Variants in COBL observed in about 807,000 individuals in gnomAD.
The protein encoded by COBL is protein cordon-bleu.
In COBL, 51 loss-of-function variants were observed where a neutral mutation model predicts 98.8. The ratio of observed to expected loss-of-function variants is 0.52; its 90% CI spans 0.41 to 0.65. The LOEUF is 0.65. Ranked by LOEUF, COBL falls within the 30% of genes least tolerant of loss-of-function variation. The pLI, the probability that COBL is intolerant of heterozygous loss-of-function variation, is 0.00. For missense variants in COBL, 1,617 were observed against 1,617.5 expected (o/e 1.00, Z 0.01); for synonymous variants, 634 against 651.7 (o/e 0.97, Z 0.41).
intron 5 of COBL, among the ~76,000 whole-genome samples, chr7:51,157,885 TTTTA>T (rs1427991884): frequency 5.9e-5 from 9 of 152,244 alleles, no homozygotes; most frequent in African/African-American, 1.7e-4. Context: ...GATATATAAT[TTTTA>T]TTTGTCAATT....
At chr7:51,131,743 G>A (rs1009657573) in intron 6 of COBL, among the ~76,000 whole-genome samples, 1 of 152,106 alleles carries the variant, frequency 6.6e-6, no homozygotes, top group African/African-American at 2.4e-5. Flanking sequence ...ACAGGCATCC[G>A]CCACCACGCC....
At chr7:51,108,958 C>CACACA (rs1562923478) in intron 6 of COBL, among the ~76,000 whole-genome samples, 5,446 of 83,930 alleles carry the variant, frequency 0.065, 158 homozygotes, top group African/African-American at 0.097. Context: ...ACACACACAC[C>CACACA]CCCTGCCCCA....
chr7:51,156,508 C>G, intron 5 of COBL: 1 of 984,946 alleles, frequency 1.0e-6, no homozygotes, highest in Non-Finnish European at 1.2e-6. Flanking sequence ...AAAGGAGTTA[C>G]GCTCACCATA....
intron 5 of COBL, among the ~76,000 whole-genome samples, chr7:51,169,372 C>G (rs1458707602): frequency 6.6e-6 from 1 of 152,146 alleles, no homozygotes; most frequent in Non-Finnish European, 1.5e-5. Context: ...TGTACCCCAA[C>G]CCCCTCAGGC....
intron 5 of COBL, among the ~76,000 whole-genome samples, chr7:51,179,820 C>G (rs938676871): frequency 6.6e-6 from 1 of 152,090 alleles, no homozygotes; most frequent in Non-Finnish European, 1.5e-5. Context: ...TCATAAAGAT[C>G]GCTAACCCAA....
At chr7:51,085,562 A>G (rs1280358008) in intron 6 of COBL, among the ~76,000 whole-genome samples, 1 of 152,232 alleles carries the variant, frequency 6.6e-6, no homozygotes, top group East Asian at 1.9e-4. Context: ...AAAGACCCCT[A>G]TGAGCAGGGA....
chr7:51,310,185 G>A (rs1215395481), intron 1 of COBL, among the ~76,000 whole-genome samples: 2 of 152,232 alleles, frequency 1.3e-5, no homozygotes, highest in African/African-American at 4.8e-5. Context: ...CACCAGTCAA[G>A]TGTTCAGAAG....
At chr7:51,150,156 C>T (rs1370896505) in intron 5 of COBL, among the ~76,000 whole-genome samples, 2 of 152,164 alleles carry the variant, frequency 1.3e-5, no homozygotes, top group Admixed American at 6.5e-5. Flanking sequence ...AGCTACAGAA[C>T]GATGGGTACA....
At chr7:51,136,053 TA>T in intron 6 of COBL, 104 bp downstream of exon 6, 7 of 1,414,982 alleles carry the variant, frequency 4.9e-6, no homozygotes, top group Non-Finnish European at 6.7e-6. Flanking sequence ...CTCCAGTCGC[TA>T]CAGCCACAAA....
Position 51,122,994 on chromosome 7 carries a change from A to AC in COBL, c.957+13163_957+13164insG, listed in dbSNP as rs1170565277. On this transcript the variant is annotated intron_variant, in intron 6 of 12. Transcript: ENST00000265136. The stretch of plus-strand genomic sequence containing the variant: ...CGAGACTCCATCTCAAAAAAAAAAA[A>AC]AAAATTGAATGACATAATTATTTTT... 3.2e-3 allele frequency among the ~76,000 whole-genome samples: 482 copies of AC among 152,300 alleles called. 3 individuals carry two copies. The highest frequency in any genetic ancestry group is 0.011 in the African/African-American group (465 of 41,558).
chr7:51,236,734 T>C (rs927066948), intron 1 of COBL, among the ~76,000 whole-genome samples: 3 of 152,168 alleles, frequency 2.0e-5, no homozygotes, highest in Non-Finnish European at 4.4e-5. Context: ...TGGGAATACC[T>C]ACTTCCCAGG....
intron 1 of COBL, among the ~76,000 whole-genome samples, chr7:51,265,788 G>A (rs1798148729): frequency 6.6e-6 from 1 of 152,194 alleles, no homozygotes; most frequent in Non-Finnish European, 1.5e-5. Flanking sequence ...CAAAGTCCAT[G>A]TGGATCAACT....
At chr7:51,291,889 A>T (rs1800936109) in intron 1 of COBL, among the ~76,000 whole-genome samples, 1 of 152,182 alleles carries the variant, frequency 6.6e-6, no homozygotes, top group African/African-American at 2.4e-5. Flanking sequence ...GGCCAGGCAC[A>T]GTGGCTCACA....
At chr7:51,159,722 C>G (rs1455572406) in intron 5 of COBL, among the ~76,000 whole-genome samples, 1 of 151,988 alleles carries the variant, frequency 6.6e-6, no homozygotes, top group East Asian at 1.9e-4. Flanking sequence ...AGAACTGGTA[C>G]TGGCATTAGG....
chr7:51,114,115 T>A (rs116422289), intron 6 of COBL, among the ~76,000 whole-genome samples: 3,600 of 152,280 alleles, frequency 0.024, 140 homozygotes, highest in African/African-American at 0.082. Flanking sequence ...CACCTTTATA[T>A]GTGCAGGGAG....
chr7:51,315,293 C>CT (rs1189549485), intron 1 of COBL, among the ~76,000 whole-genome samples: 2 of 150,956 alleles, frequency 1.3e-5, no homozygotes, highest in Non-Finnish European at 3.0e-5. Flanking sequence ...AAGAAAACTT[C>CT]TTTTTAACAT....
At chr7:51,182,848 G>GCTTC (rs371824055) in intron 5 of COBL, among the ~76,000 whole-genome samples, 212 of 152,258 alleles carry the variant, frequency 1.4e-3, no homozygotes, top group African/African-American at 4.9e-3. Context: ...CATTACCGAA[G>GCTTC]CTTCAGCAGA....
At chr7:51,234,049 G>A (rs977196855) in intron 1 of COBL, among the ~76,000 whole-genome samples, 2 of 152,200 alleles carry the variant, frequency 1.3e-5, no homozygotes, top group Admixed American at 1.3e-4. Context: ...AAGCAGAAAA[G>A]AAGGGTATGT....
chr7:51,198,167 T>C (rs1007156713), intron 2 of COBL, among the ~76,000 whole-genome samples: 3 of 152,196 alleles, frequency 2.0e-5, no homozygotes, highest in African/African-American at 7.2e-5. Context: ...CCATATTTAG[T>C]GCTTGCTTCA....
Sources: allele counts gnomAD v4.1 joint callset (sites outside exome capture counted in the v4.1 genomes callset), GRCh38; gene constraint gnomAD v4.1.1; transcripts MANE v1.5; gene names NCBI Gene and HGNC (gene_info 2026-07-23, HGNC 2026-07-21).